The following SLC39A11 variants were observed in gnomAD, a reference collection of about 807,000 sequenced individuals.
The protein encoded by SLC39A11 is zinc transporter ZIP11.
In SLC39A11, 33 loss-of-function variants were observed where a neutral mutation model predicts 36.1. That is an observed-to-expected ratio of 0.91 (90% CI 0.69 to 1.22). The LOEUF is 1.22. Ranked by LOEUF, SLC39A11 falls within the 50% of genes most tolerant of loss-of-function variation. SLC39A11 has a pLI of 0.00. For missense variants in SLC39A11, 432 were observed against 430.3 expected (o/e 1.00, Z -0.03); for synonymous variants, 166 against 170.3 (o/e 0.97, Z 0.20).
intron 4 of SLC39A11, among the ~76,000 whole-genome samples, chr17:72,953,564 C>G (rs1311125083): frequency 6.6e-6 from 1 of 152,172 alleles, no homozygotes; most frequent in Non-Finnish European, 1.5e-5. Context: ...CAGAGCCCCC[C>G]AAAAGAAACA....
intron 5 of SLC39A11, among the ~76,000 whole-genome samples, chr17:72,942,164 G>A (rs369495623): frequency 7.8e-4 from 119 of 152,014 alleles, no homozygotes; most frequent in African/African-American, 2.7e-3. Flanking sequence ...CCAAAGTGCT[G>A]GGATTACACG....
intron 3 of SLC39A11, among the ~76,000 whole-genome samples, chr17:73,037,515 A>G (rs2058961396): frequency 6.6e-6 from 1 of 152,240 alleles, no homozygotes; most frequent in Non-Finnish European, 1.5e-5. Context: ...GACTTCAGGG[A>G]ATACTTTTGC....
intron 7 of SLC39A11, among the ~76,000 whole-genome samples, chr17:72,695,705 G>C (rs965322482): frequency 6.6e-6 from 1 of 152,126 alleles, no homozygotes; most frequent in South Asian, 2.1e-4. Flanking sequence ...ATTCAATGAC[G>C]AGTGTCCTTA....
chr17:72,713,353 T>C (rs1449846699), intron 7 of SLC39A11, among the ~76,000 whole-genome samples: 1 of 152,264 alleles, frequency 6.6e-6, no homozygotes, highest in East Asian at 1.9e-4. Context: ...ACCTTGATAG[T>C]GGGCCCGCAT....
At chr17:72,760,655 C>T (rs930792187) in intron 6 of SLC39A11, among the ~76,000 whole-genome samples, 3 of 152,198 alleles carry the variant, frequency 2.0e-5, no homozygotes, top group East Asian at 1.9e-4. Context: ...GGTGTATCAA[C>T]GGGGTTGACA....
At chr17:72,930,416 A>C (rs924264601) in intron 5 of SLC39A11, among the ~76,000 whole-genome samples, 1 of 152,148 alleles carries the variant, frequency 6.6e-6, no homozygotes, top group African/African-American at 2.4e-5. Context: ...CAGAGTCTCT[A>C]CCCTCATCCT....
At chr17:72,711,601 C>T (rs1459080314) in intron 7 of SLC39A11, among the ~76,000 whole-genome samples, 1 of 152,196 alleles carries the variant, frequency 6.6e-6, no homozygotes, top group Non-Finnish European at 1.5e-5. Flanking sequence ...CTAAATACTA[C>T]AGAACTGGCA....
intron 3 of SLC39A11, among the ~76,000 whole-genome samples, chr17:73,066,273 T>A (rs1462782644): frequency 6.6e-6 from 1 of 151,904 alleles, no homozygotes; most frequent in East Asian, 1.9e-4. Flanking sequence ...GCCCTTATAC[T>A]CTCCAGTCTA....
At chr17:73,011,499 C>T (rs144687743) in intron 4 of SLC39A11, among the ~76,000 whole-genome samples, 148 of 152,120 alleles carry the variant, frequency 9.7e-4, no homozygotes, top group African/African-American at 3.5e-3. Context: ...TGATCTGGAG[C>T]GGGGAGACGA....
intron 6 of SLC39A11, among the ~76,000 whole-genome samples, chr17:72,747,081 T>C (rs991641700): frequency 2.6e-5 from 4 of 152,158 alleles, no homozygotes; most frequent in Non-Finnish European, 5.9e-5. Flanking sequence ...CAAAACATGT[T>C]GAAACATCTA....
At chr17:72,664,460 T>C (rs1431395969) in intron 7 of SLC39A11, among the ~76,000 whole-genome samples, 2 of 152,166 alleles carry the variant, frequency 1.3e-5, no homozygotes, top group East Asian at 1.9e-4. Flanking sequence ...TCACACCTTA[T>C]ATGCAATTTG....
intron 7 of SLC39A11, among the ~76,000 whole-genome samples, chr17:72,659,115 C>T (rs996721398): frequency 2.0e-5 from 3 of 152,168 alleles, no homozygotes; most frequent in African/African-American, 7.2e-5. Flanking sequence ...CAGAGTCAAC[C>T]GCTAAGCCCT....
chr17:72,745,268 G>C lies in SLC39A11; in HGVS notation c.602-8549C>G, dbSNP rs112725275. ...GAAGTGCAATCACCTTGGTTTGGCA[G>C]AGCCCGCTGCTGGGGCAGAAATGGC... On this transcript the variant is annotated intron_variant, in intron 6 of 9. Transcript: ENST00000255559. Among the ~76,000 whole-genome samples the C allele has an allele frequency of 1.1e-3, 173 of 152,378 alleles. 2 individuals are homozygous for C. The highest frequency in any genetic ancestry group is 6.8e-3 in the Middle Eastern group (2 of 294).
intron 5 of SLC39A11, among the ~76,000 whole-genome samples, chr17:72,907,324 T>C (rs990026186): frequency 6.6e-6 from 1 of 152,172 alleles, no homozygotes; most frequent in African/African-American, 2.4e-5. Flanking sequence ...ACCCTGTCTC[T>C]ACTAAAAATA....
chr17:72,822,152 G>A (rs1288412719), intron 6 of SLC39A11: 1 of 150,956 alleles, frequency 6.6e-6, no homozygotes, highest in Non-Finnish European at 1.5e-5. Context: ...CTTTGTCAGA[G>A]TAGGAGACAA....
intron 3 of SLC39A11, among the ~76,000 whole-genome samples, chr17:73,080,654 G>C (rs1452233972): frequency 1.3e-5 from 2 of 152,118 alleles, no homozygotes; most frequent in African/African-American, 4.8e-5. Flanking sequence ...AAACTAAAAA[G>C]CTTCTGTAGG....
At chr17:72,754,846 C>A (rs1247892251) in intron 6 of SLC39A11, among the ~76,000 whole-genome samples, 1 of 152,186 alleles carries the variant, frequency 6.6e-6, no homozygotes, top group Non-Finnish European at 1.5e-5. Context: ...AGGGAGTGTG[C>A]ACATGCAAGC....
intron 6 of SLC39A11, among the ~76,000 whole-genome samples, chr17:72,815,421 C>T (rs765278459): frequency 6.0e-5 from 9 of 150,972 alleles, no homozygotes; most frequent in Non-Finnish European, 1.0e-4. Flanking sequence ...AGTTAGAGAC[C>T]GGCATGACCA....
chr17:72,674,692 C>T (rs1002232126), intron 7 of SLC39A11, among the ~76,000 whole-genome samples: 2 of 152,176 alleles, frequency 1.3e-5, no homozygotes, highest in Non-Finnish European at 1.5e-5. Context: ...TCTCCATATC[C>T]TCATCACAGA....
Sources: allele counts gnomAD v4.1 joint callset (sites outside exome capture counted in the v4.1 genomes callset), GRCh38; gene constraint gnomAD v4.1.1; transcripts MANE v1.5; gene names NCBI Gene and HGNC (gene_info 2026-07-23, HGNC 2026-07-21).